The following UTP20 variants were observed in gnomAD, a reference collection of about 807,000 sequenced individuals.
UTP20 encodes small subunit processome component 20 homolog.
Under a neutral mutation model 329.5 loss-of-function variants are expected in UTP20, and 164 were observed. The ratio of observed to expected loss-of-function variants is 0.50; its 90% CI spans 0.44 to 0.57. The LOEUF (loss-of-function observed/expected upper bound fraction) is 0.57, where lower values mean the gene tolerates loss of function less well. Ranked by LOEUF, UTP20 falls within the 20% of genes least tolerant of loss-of-function variation. The pLI, the probability that UTP20 is intolerant of heterozygous loss-of-function variation, is 0.00. For synonymous variants in UTP20, 1,151 were observed against 1,159.3 expected (o/e 0.99, Z 0.14); for missense variants, 3,055 against 3,284.2 (o/e 0.93, Z 1.71).
chr12:101,353,083 C>G lies in UTP20; in HGVS notation c.5061C>G (p.Asp1687Glu). 1 of 1,596,580 alleles carries G rather than the reference C, an allele frequency of 6.3e-7. No individual in the cohort carries two copies. The highest frequency in any genetic ancestry group is 8.6e-7 in the Non-Finnish European group (1 of 1,168,756). ...LVIVLEAFHF[D>E]HKTLEEQMGK... ...TAGTGTTAGAAGCATTCCACTTTGACCACAAAACTCTTGAAGAACAAATGG... is the reference window on the plus strand; with the variant it reads ...TAGTGTTAGAAGCATTCCACTTTGAGCACAAAACTCTTGAAGAACAAATGG... Residue 1687 changes from aspartate (D) to glutamate (E), a missense_variant, in exon 40 of 62, where the codon GAC (aspartate) becomes GAG (glutamate). Asp to Glu is a conservative substitution (Grantham distance 45). Transcript: ENST00000261637.
intron 22 of UTP20, among the ~76,000 whole-genome samples, chr12:101,318,756 A>C (rs1378257564): frequency 6.8e-6 from 1 of 147,206 alleles, no homozygotes; most frequent in East Asian, 2.2e-4. Context: ...ACTTGAACCC[A>C]GGAGGCAGAG....
intron 47 of UTP20, among the ~76,000 whole-genome samples, chr12:101,367,399 C>A (rs1007755878): frequency 6.6e-6 from 1 of 152,158 alleles, no homozygotes; most frequent in Non-Finnish European, 1.5e-5. Context: ...CACGTTCCAG[C>A]CACCCTGGCT....
intron 11 of UTP20, 103 bp downstream of exon 11, chr12:101,293,348 C>G: frequency 2.0e-6 from 2 of 989,428 alleles, no homozygotes; most frequent in East Asian, 4.8e-5. Context: ...TTGAGAGGAA[C>G]AGGATAAGTG....
intron 43 of UTP20, among the ~76,000 whole-genome samples, chr12:101,359,673 A>G (rs988897863): frequency 6.6e-6 from 1 of 151,662 alleles, no homozygotes; most frequent in African/African-American, 2.4e-5. Context: ...ATTTTCATTT[A>G]TTTTTTCTTT....
At chr12:101,337,372 C>T (rs1344307711) in intron 29 of UTP20, among the ~76,000 whole-genome samples, 6 of 152,156 alleles carry the variant, frequency 3.9e-5, no homozygotes, top group Non-Finnish European at 8.8e-5. Flanking sequence ...TCTGTTTGAC[C>T]TTCCTAGTAA....
At chr12:101,345,844 T>A in intron 37 of UTP20, 150 bp downstream of exon 37, 1 of 725,828 alleles carries the variant, frequency 1.4e-6, no homozygotes, top group Non-Finnish European at 2.1e-6. Flanking sequence ...AAATTTGTGT[T>A]AAGATGATCA....
chr12:101,296,928 G>C (rs1280193882), intron 12 of UTP20, among the ~76,000 whole-genome samples: 1 of 152,134 alleles, frequency 6.6e-6, no homozygotes, highest in Non-Finnish European at 1.5e-5. Context: ...ATAGTTAAGT[G>C]GGTATGCTTC....
chr12:101,291,050 C>T (rs1167812131), intron 8 of UTP20, 162 bp downstream of exon 8: 1 of 644,914 alleles, frequency 1.6e-6, no homozygotes, highest in Non-Finnish European at 2.3e-6. Flanking sequence ...CCCCCCTGTG[C>T]TATTTTTTAT....
intron 38 of UTP20, among the ~76,000 whole-genome samples, chr12:101,349,523 C>G (rs1869447985): frequency 2.0e-5 from 3 of 151,986 alleles, no homozygotes; most frequent in African/African-American, 7.2e-5. Context: ...ACTGCAACCT[C>G]TGTCTCTCAG....
chr12:101,362,012 T>G lies in UTP20; in HGVS notation c.5742T>G (p.Asn1914Lys). ...TVHMLLQGLTNKLQVGDLDSC... is the reference protein window; with the variant it reads ...TVHMLLQGLTKKLQVGDLDSC... ...ACATGCTGCTGCAAGGCCTCACCAA[T>G]AAGCTGCAGGTCGGAGATTTGGACT... Residue 1914 changes from asparagine to lysine, a missense_variant, in exon 44 of 62, where the codon AAT (asparagine) becomes AAG (lysine). Coordinates refer to ENST00000261637, the MANE Select transcript of UTP20 (RefSeq NM_014503.3). 4.3e-6 allele frequency: 7 copies of G among 1,613,718 alleles called. No homozygotes were observed. Among genetic ancestry groups the G allele is most frequent in the Non-Finnish European group, 5.9e-6 (7 of 1,179,744 alleles).
chr12:101,342,313 G>A (rs1329682902), intron 32 of UTP20, 133 bp from the exon 33 acceptor site: 31 of 708,164 alleles, frequency 4.4e-5, no homozygotes, highest in East Asian at 2.5e-4. Flanking sequence ...TTTAAAAGAC[G>A]ATAAAATAAT....
At chr12:101,369,184 A>G (rs546764484) in intron 48 of UTP20, among the ~76,000 whole-genome samples, 195 of 152,290 alleles carry the variant, frequency 1.3e-3, no homozygotes, top group Non-Finnish European at 2.4e-3. Context: ...TGTATACCTA[A>G]TTCAAGCTTA....
intron 6 of UTP20, 22 bp downstream of exon 6, chr12:101,289,063 T>C (rs1565784502): frequency 6.3e-7 from 1 of 1,591,014 alleles, no homozygotes; most frequent in African/African-American, 1.3e-5. Context: ...ATTTTATCTG[T>C]TTGTTGCTAA....
At chr12:101,298,952 C>T (rs1872444681) in intron 12 of UTP20, among the ~76,000 whole-genome samples, 2 of 151,282 alleles carry the variant, frequency 1.3e-5, no homozygotes, top group Non-Finnish European at 2.9e-5. Context: ...AGAGTAAAAA[C>T]CTGATATTCC....
At chr12:101,310,945 A>G (rs1412983105) in intron 19 of UTP20, among the ~76,000 whole-genome samples, 1 of 152,218 alleles carries the variant, frequency 6.6e-6, no homozygotes, top group African/African-American at 2.4e-5. Context: ...CTTTCAGAAG[A>G]GAGAATTTGA....
intron 25 of UTP20, among the ~76,000 whole-genome samples, chr12:101,325,721 A>G (rs908312524): frequency 6.6e-6 from 1 of 152,258 alleles, no homozygotes; most frequent in African/African-American, 2.4e-5. Context: ...CATATACGCT[A>G]GGATTCTTTT....
chr12:101,353,807 G>A (rs1392457334), intron 40 of UTP20, among the ~76,000 whole-genome samples: 3 of 152,182 alleles, frequency 2.0e-5, no homozygotes, highest in African/African-American at 7.2e-5. Flanking sequence ...ACATTACTAG[G>A]AATTAAAAAG....
intron 16 of UTP20, among the ~76,000 whole-genome samples, chr12:101,306,324 GT>G (rs551219969): frequency 1.8e-4 from 26 of 147,500 alleles, no homozygotes; most frequent in African/African-American, 3.7e-4. Flanking sequence ...AATCAACATA[GT>G]TTTTTTTTTT....
At position 101,289,117 on chromosome 12, in the gene UTP20, C is replaced by T. The variant is rs925807060; in HGVS notation, c.597+76C>T. The T allele has an allele frequency of 3.0e-6, 4 of 1,329,496 alleles. No individual in the cohort carries two copies. In the African/African-American group the frequency reaches 5.9e-5, roughly 19 times the overall value. 82.4% of individuals were successfully genotyped at this position (1,329,496 alleles called of 1,614,324 possible). Reference sequence around the variant, plus strand: ...ATAGGCCAGGCGTGGTGGCTCATGCCTGTAATCCCAACACCTTGGGAGGCC... The same window carrying T: ...ATAGGCCAGGCGTGGTGGCTCATGCTTGTAATCCCAACACCTTGGGAGGCC... On this transcript the variant is annotated intron_variant, in intron 6 of 61. Coordinates refer to ENST00000261637, the MANE Select transcript of UTP20 (RefSeq NM_014503.3).
Sources: allele counts gnomAD v4.1 joint callset (sites outside exome capture counted in the v4.1 genomes callset), GRCh38; gene constraint gnomAD v4.1.1; transcripts MANE v1.5; gene names NCBI Gene and HGNC (gene_info 2026-07-23, HGNC 2026-07-21).